SULT2B1: variants seen among roughly 807,000 people sequenced by gnomAD.
SULT2B1 encodes sulfotransferase 2B1.
Under a neutral mutation model 33.2 loss-of-function variants are expected in SULT2B1, and 16 were observed. That is an observed-to-expected ratio of 0.48 (90% CI 0.33 to 0.73). The LOEUF (loss-of-function observed/expected upper bound fraction) is 0.73. Among genes scored for constraint, SULT2B1 ranks in the 30% least tolerant of loss-of-function variants. The pLI, the probability that SULT2B1 is intolerant of heterozygous loss-of-function variation, is 0.02. For synonymous variants in SULT2B1, 186 were observed against 200.5 expected, an observed-to-expected ratio of 0.93 and a Z score of 0.61; for missense variants, 500 against 506.0, an observed-to-expected ratio of 0.99 and a Z score of 0.11.
chr19:48,571,002 G>A (rs746561852), intron 1 of SULT2B1, among the ~76,000 whole-genome samples: 3 of 151,522 alleles, frequency 2.0e-5, no homozygotes, highest in Non-Finnish European at 4.4e-5. Flanking sequence ...GGGATTATAG[G>A]CATGAGCCAC....
chr19:48,596,739 G>A lies in SULT2B1; in HGVS notation c.646G>A (p.Asp216Asn), dbSNP rs370301606. 1.9e-6 allele frequency: 3 copies of A among 1,602,492 alleles called. No homozygotes were observed. Among genetic ancestry groups the A allele is most frequent in the Non-Finnish European group, 2.5e-6 (3 of 1,178,954 alleles). ...GCTGACCCCTCTCCCCTGCCTGCAGGACTTACAGGGCTCCGTGGAGCGCAT... is the reference window on the plus strand; with the variant it reads ...GCTGACCCCTCTCCCCTGCCTGCAGAACTTACAGGGCTCCGTGGAGCGCAT... The part of the protein sequence containing the change: ...LFITYEELQQ[D>N]LQGSVERICG... Residue 216 changes from aspartate (D) to asparagine (N), a missense_variant and splice_region_variant, in exon 6 of 7, where the codon GAC (aspartate) becomes AAC (asparagine). Coordinates refer to ENST00000201586, the MANE Select transcript of SULT2B1 (RefSeq NM_177973.2).
At chr19:48,577,000 A>G (rs1973421245) in intron 2 of SULT2B1, among the ~76,000 whole-genome samples, 1 of 149,724 alleles carries the variant, frequency 6.7e-6, no homozygotes. Context: ...TTTGAGACCA[A>G]CCTGGGCAAA....
chr19:48,583,937 C>T (rs1973528216), intron 2 of SULT2B1, among the ~76,000 whole-genome samples: 1 of 152,176 alleles, frequency 6.6e-6, no homozygotes, highest in Admixed American at 6.6e-5. Flanking sequence ...CATGGTGAAA[C>T]CCTGTCTCTA....
intron 2 of SULT2B1, among the ~76,000 whole-genome samples, chr19:48,584,684 C>T (rs531160289): frequency 3.3e-5 from 5 of 152,172 alleles, no homozygotes; most frequent in Non-Finnish European, 4.4e-5. Flanking sequence ...GCAGGAGGAT[C>T]GCTAGAGGCC....
chr19:48,588,276 G>A (rs1170821146), intron 3 of SULT2B1, among the ~76,000 whole-genome samples: 1 of 150,924 alleles, frequency 6.6e-6, no homozygotes, highest in African/African-American at 2.4e-5. Flanking sequence ...ACTTTGGGAA[G>A]CCAAGGTGGG....
intron 2 of SULT2B1, among the ~76,000 whole-genome samples, chr19:48,577,028 A>ATT (rs71179012): frequency 0.011 from 1,015 of 92,924 alleles, 40 homozygotes; most frequent in African/African-American, 0.029. Context: ...ACCCCCCTCT[A>ATT]TTTTTTTTTT....
intron 1 of SULT2B1, among the ~76,000 whole-genome samples, chr19:48,556,297 T>C (rs1973099741): frequency 6.6e-6 from 1 of 152,160 alleles, no homozygotes. Flanking sequence ...ACCAAAATAT[T>C]GGCCTGTTCG....
chr19:48,567,258 T>A (rs961351717), intron 1 of SULT2B1, among the ~76,000 whole-genome samples: 2 of 151,924 alleles, frequency 1.3e-5, no homozygotes, highest in African/African-American at 4.8e-5. Context: ...CATTCGGGGA[T>A]CTGGCAAATA....
At chr19:48,573,017 C>T (rs980012386) in intron 1 of SULT2B1, among the ~76,000 whole-genome samples, 3 of 151,868 alleles carry the variant, frequency 2.0e-5, no homozygotes, top group African/African-American at 4.8e-5. Flanking sequence ...ATCAGTTGGG[C>T]GTGACGACAG....
chr19:48,570,461 G>A (rs147144589), intron 1 of SULT2B1, among the ~76,000 whole-genome samples: 1,583 of 152,118 alleles, frequency 0.01, no homozygotes, highest in African/African-American at 0.035. Context: ...TTACAGGCGT[G>A]AGCCACCGAG....
chr19:48,572,370 A>T (rs1973342609), intron 1 of SULT2B1, among the ~76,000 whole-genome samples: 1 of 152,080 alleles, frequency 6.6e-6, no homozygotes, highest in Non-Finnish European at 1.5e-5. Context: ...AAAATTAGCC[A>T]GGCATGGTGG....
chr19:48,555,590 T>TCTC (rs60898646), intron 1 of SULT2B1, among the ~76,000 whole-genome samples: 226 of 96,532 alleles, frequency 2.3e-3, no homozygotes, highest in African/African-American at 9.7e-3. Context: ...CTCTCTCTCT[T>TCTC]TTGAGACAGA....
At chr19:48,554,404 C>T (rs571749340) in intron 1 of SULT2B1, among the ~76,000 whole-genome samples, 1 of 150,080 alleles carries the variant, frequency 6.7e-6, no homozygotes, top group East Asian at 2.0e-4. Flanking sequence ...CGACTTCCCC[C>T]TCTGCTCGCC....
chr19:48,569,274 G>A (rs992330947), intron 1 of SULT2B1, among the ~76,000 whole-genome samples: 1 of 150,432 alleles, frequency 6.6e-6, no homozygotes, highest in Non-Finnish European at 1.5e-5. Context: ...TCCAGGAGGC[G>A]GAGCTTGCAG....
In SULT2B1 at chr19:48,599,054, AAGG is replaced by A; in HGVS notation, c.827-77_827-75del. ...CACCTCGCCAAAGGCCGGGAAGGGG[AAGG>A]AGGTTGCTGGAATGTTGGAGGTAGG... On this transcript the variant is annotated intron_variant, in intron 6 of 6. Coordinates refer to ENST00000201586, the MANE Select transcript of SULT2B1 (RefSeq NM_177973.2). The surrounding 1 kb of genome is among the most constrained non-coding windows in gnomAD (Gnocchi z 4.1). 6 of 1,510,946 alleles carry A rather than the reference AAGG, an allele frequency of 4.0e-6. No homozygotes were observed. In the South Asian group the frequency reaches 7.5e-5, roughly 19 times the overall value. The allele number at this position is 1,510,946 out of a possible 1,614,324, so 93.6% of individuals were successfully genotyped here.
intron 1 of SULT2B1, among the ~76,000 whole-genome samples, chr19:48,558,684 T>C (rs867999977): frequency 0.012 from 1,676 of 138,214 alleles, 13 homozygotes; most frequent in East Asian, 0.039. Flanking sequence ...CTTTTCTTTT[T>C]TTTTTTTTTT....
chr19:48,581,472 G>GTTT (rs4011541), intron 2 of SULT2B1, among the ~76,000 whole-genome samples: 25,092 of 118,496 alleles, frequency 0.21, 4,641 homozygotes, highest in East Asian at 0.66. Context: ...AGATTTGAGA[G>GTTT]TTTTTTTTTT....
At chr19:48,567,077 T>C (rs906924490) in intron 1 of SULT2B1, among the ~76,000 whole-genome samples, 1 of 152,104 alleles carries the variant, frequency 6.6e-6, no homozygotes, top group Non-Finnish European at 1.5e-5. Flanking sequence ...TGTAAACTCC[T>C]TTTGAGTGGC....
chr19:48,564,768 C>T (rs1973224585), intron 1 of SULT2B1, among the ~76,000 whole-genome samples: 1 of 151,844 alleles, frequency 6.6e-6, no homozygotes, highest in Non-Finnish European at 1.5e-5. Context: ...ATCCCTCTAG[C>T]CATCTATCAA....
Sources: allele counts gnomAD v4.1 joint callset (sites outside exome capture counted in the v4.1 genomes callset), GRCh38; gene constraint gnomAD v4.1.1; non-coding constraint Gnocchi (gnomAD v3.1); transcripts MANE v1.5; gene names NCBI Gene and HGNC (gene_info 2026-07-23, HGNC 2026-07-21).